The following NEK11 variants were observed in gnomAD, a reference collection of about 807,000 sequenced individuals.
NEK11 encodes the protein NIMA related kinase 11.
A neutral mutation model predicts 80.7 loss-of-function variants in NEK11; 72 were observed. The observed-to-expected ratio is 0.89, with a 90% CI of 0.74 to 1.08. The LOEUF is 1.08. Ranked by LOEUF, NEK11 falls within the 50% of genes least tolerant of loss-of-function variation. NEK11 has a pLI of 0.00. For missense variants in NEK11, 764 were observed against 763.6 expected, an observed-to-expected ratio of 1.00 and a Z score of -0.01; for synonymous variants, 251 against 260.7, an observed-to-expected ratio of 0.96 and a Z score of 0.36.
chr3:131,285,158 T>C (rs1485917757), intron 17 of NEK11, among the ~76,000 whole-genome samples: 4 of 152,190 alleles, frequency 2.6e-5, no homozygotes, highest in Non-Finnish European at 5.9e-5. Context: ...CCCTGTTCTT[T>C]AAAAATGCTC....
At chr3:131,289,471 C>T (rs2096520297) in intron 17 of NEK11, among the ~76,000 whole-genome samples, 1 of 152,104 alleles carries the variant, frequency 6.6e-6, no homozygotes, top group Non-Finnish European at 1.5e-5. Flanking sequence ...CCCTTTTCTC[C>T]CTTGGTCATG....
intron 4 of NEK11, among the ~76,000 whole-genome samples, chr3:131,088,562 C>CAATTG (rs2076317431): frequency 6.6e-6 from 1 of 151,912 alleles, no homozygotes; most frequent in Admixed American, 6.6e-5. Context: ...TAGAATCACA[C>CAATTG]TAATTTATTT....
rs2065529099 is a variant in NEK11, at chr3:131,035,678, A to AC, written c.170+5801dup. Reference sequence around the variant, plus strand: ...CTTCTTAATCTGGTTCCTAGGATGAACAGTACCTCCTCCTTTGTGCACCCT... The same window carrying AC: ...CTTCTTAATCTGGTTCCTAGGATGAACCAGTACCTCCTCCTTTGTGCACCCT... On this transcript the variant is annotated intron_variant, in intron 3 of 17. Transcript: ENST00000383366. Among the ~76,000 whole-genome samples, 5 of 147,622 alleles carry AC rather than the reference A, an allele frequency of 3.4e-5. No individual in the cohort carries two copies. The South Asian group carries it at 1.1e-3, about 32-fold the overall frequency.
chr3:131,223,611 T>G (rs1036095781), intron 14 of NEK11, among the ~76,000 whole-genome samples: 1 of 152,238 alleles, frequency 6.6e-6, no homozygotes, highest in Non-Finnish European at 1.5e-5. Flanking sequence ...TATTGTCTGT[T>G]TTCACACTAC....
At chr3:131,140,146 G>A (rs2086566636) in intron 7 of NEK11, among the ~76,000 whole-genome samples, 1 of 152,116 alleles carries the variant, frequency 6.6e-6, no homozygotes, top group Admixed American at 6.5e-5. Context: ...TTTAATTTGG[G>A]TAAGCCTGTG....
chr3:131,217,379 T>C (rs1034356406), intron 14 of NEK11, among the ~76,000 whole-genome samples: 8 of 151,494 alleles, frequency 5.3e-5, no homozygotes, highest in African/African-American at 1.9e-4. Flanking sequence ...GTTTTAGGAG[T>C]GGTTTTTATC....
At chr3:131,202,648 G>T (rs1017607302) in intron 14 of NEK11, among the ~76,000 whole-genome samples, 4 of 152,262 alleles carry the variant, frequency 2.6e-5, no homozygotes, top group Non-Finnish European at 5.9e-5. Flanking sequence ...GCAACCTACA[G>T]AATGGGAGAA....
intron 15 of NEK11, among the ~76,000 whole-genome samples, chr3:131,238,198 A>G (rs1381755316): frequency 6.6e-6 from 1 of 152,118 alleles, no homozygotes; most frequent in East Asian, 1.9e-4. Flanking sequence ...ACCACCTTAT[A>G]TGAAATAGCT....
chr3:131,137,391 C>A (rs1369209773), intron 7 of NEK11, among the ~76,000 whole-genome samples: 1 of 152,088 alleles, frequency 6.6e-6, no homozygotes, highest in Non-Finnish European at 1.5e-5. Context: ...AACTTGCCAG[C>A]ATTTCCTGTA....
intron 3 of NEK11, among the ~76,000 whole-genome samples, chr3:131,060,497 C>G (rs1321777604): frequency 6.6e-6 from 1 of 152,182 alleles, no homozygotes; most frequent in Non-Finnish European, 1.5e-5. Context: ...ACTCTACTTA[C>G]TTTCCCAAGT....
chr3:131,060,933 G>A (rs2070739668), intron 3 of NEK11, among the ~76,000 whole-genome samples: 1 of 152,070 alleles, frequency 6.6e-6, no homozygotes, highest in South Asian at 2.1e-4. Flanking sequence ...TGTGCTTATT[G>A]GCCATGTGTA....
At chr3:131,162,582 A>C in intron 11 of NEK11, 55 bp downstream of exon 11, 4 of 1,597,286 alleles carry the variant, frequency 2.5e-6, no homozygotes, top group Non-Finnish European at 2.6e-6. Context: ...CAGGGCTCTC[A>C]GGGAATTTAC....
intron 7 of NEK11, 57 bp from the exon 8 acceptor site, chr3:131,152,331 A>G: frequency 1.3e-6 from 2 of 1,499,512 alleles, no homozygotes; most frequent in South Asian, 1.4e-5. Flanking sequence ...TTGTATGATG[A>G]AAAAATTTAA....
intron 4 of NEK11, among the ~76,000 whole-genome samples, chr3:131,096,882 C>A (rs1172614253): frequency 1.2e-4 from 12 of 99,472 alleles, no homozygotes; most frequent in African/African-American, 1.6e-4. Flanking sequence ...CTATCCCTCC[C>A]CCCTCCCCCC....
Position 131,349,905 on chromosome 3 carries a change from C to T in NEK11, c.*129C>T, listed in dbSNP as rs913564784. 1.4e-6 allele frequency: 1 copy of T among 690,302 alleles called. No individual in the cohort carries two copies. Among genetic ancestry groups the T allele is most frequent in the African/African-American group, 1.8e-5 (1 of 55,540 alleles). The allele number at this position is 690,302 out of a possible 1,614,324, so 42.8% of individuals were successfully genotyped here. On this transcript the variant is annotated 3_prime_UTR_variant, in exon 18 of 18. Transcript: ENST00000383366. ...GCTCCCATCTTGACTTTCAATTCCT[C>T]ATCAGAAGTACTGGCTTCTTTAGAG...
intron 15 of NEK11, among the ~76,000 whole-genome samples, chr3:131,236,535 GGTTTTAA>G (rs2095434167): frequency 6.6e-6 from 1 of 152,172 alleles, no homozygotes; most frequent in Admixed American, 6.5e-5. Flanking sequence ...GCAGTTAGAA[GGTTTTAA>G]TAATGCAGAG....
At chr3:131,047,673 A>T (rs898877976) in intron 3 of NEK11, among the ~76,000 whole-genome samples, 2 of 152,124 alleles carry the variant, frequency 1.3e-5, no homozygotes, top group Non-Finnish European at 2.9e-5. Flanking sequence ...GCTCCAGTGG[A>T]GGTGGCAGGG....
At chr3:131,315,116 TTGTG>T (rs1470125103) in intron 17 of NEK11, among the ~76,000 whole-genome samples, 1 of 152,190 alleles carries the variant, frequency 6.6e-6, no homozygotes, top group African/African-American at 2.4e-5. Flanking sequence ...TATAGTTTCT[TTGTG>T]TGTATGTAAT....
chr3:131,340,873 T>C (rs1480355007), intron 17 of NEK11, among the ~76,000 whole-genome samples: 1 of 152,156 alleles, frequency 6.6e-6, no homozygotes, highest in African/African-American at 2.4e-5. Context: ...CTTAAAAGGC[T>C]TTTGTTTCTT....
Sources: allele counts gnomAD v4.1 joint callset (sites outside exome capture counted in the v4.1 genomes callset), GRCh38; gene constraint gnomAD v4.1.1; transcripts MANE v1.5; gene names NCBI Gene and HGNC (gene_info 2026-07-23, HGNC 2026-07-21).